The following ATM variants were observed in gnomAD, a reference collection of about 807,000 sequenced individuals.
ATM encodes serine-protein kinase ATM.
ATM carries 308 observed loss-of-function variants against 387.0 expected under a neutral mutation model. The ratio of observed to expected loss-of-function variants is 0.80; its 90% CI spans 0.73 to 0.87. ATM has a LOEUF of 0.87. Among genes scored for constraint, ATM ranks in the 40% least tolerant of loss-of-function variants. The pLI is 0.00. For missense variants in ATM, 3,312 were observed against 3,560.9 expected, an observed-to-expected ratio of 0.93 and a Z score of 1.78; for synonymous variants, 1,156 against 1,187.3, an observed-to-expected ratio of 0.97 and a Z score of 0.54.
chr11:108,294,781 A>C, intron 31 of ATM, 146 bp from the exon 32 acceptor site: 1 of 838,842 alleles, frequency 1.2e-6, no homozygotes, highest in East Asian at 2.7e-5. Flanking sequence ...AGTGGAAGAA[A>C]TCATTTATTT....
chr11:108,355,525 G>C (rs2089798383), intron 61 of ATM: 1 of 153,526 alleles, frequency 6.5e-6, no homozygotes, highest in South Asian at 2.0e-4. Context: ...AATCTGGTAA[G>C]GGTATGTGAG....
rs1415905535 is a variant in ATM at position 108,365,756 on chromosome 11, G to A, written c.*248G>A. ...GGGCTGGGCGCAGCGGCTCACGCCT[G>A]TAATCCCAGCACTTTGGGAGGCCGA... On this transcript the variant is annotated 3_prime_UTR_variant, in exon 63 of 63. Transcript: ENST00000675843. The A allele has an allele frequency of 1.9e-6, 1 of 515,364 alleles. No homozygotes were observed. The highest frequency in any genetic ancestry group is 3.4e-6 in the Non-Finnish European group (1 of 293,690). The allele number at this position is 515,364 out of a possible 1,614,324, so 31.9% of individuals were successfully genotyped here.
intron 15 of ATM, among the ~76,000 whole-genome samples, chr11:108,258,316 A>T (rs895997288): frequency 6.6e-6 from 1 of 152,180 alleles, no homozygotes; most frequent in Non-Finnish European, 1.5e-5. Context: ...AATTTCAGGA[A>T]TTTTTCTGAG....
intron 26 of ATM, among the ~76,000 whole-genome samples, chr11:108,285,555 A>G (rs2082448008): frequency 6.6e-6 from 1 of 152,190 alleles, no homozygotes; most frequent in Admixed American, 6.5e-5. Flanking sequence ...TATTTTGGAT[A>G]TAAGTAAGGG....
At chr11:108,250,191 C>T (rs1185800027) in intron 9 of ATM, among the ~76,000 whole-genome samples, 2 of 151,660 alleles carry the variant, frequency 1.3e-5, no homozygotes, top group African/African-American at 4.8e-5. Flanking sequence ...CTCACTCTGT[C>T]ACCCAGGCTG....
rs1555106553 is a variant in ATM at position 108,303,006 on chromosome 11, C to A, written c.5473C>A (p.Gln1825Lys). ...DSGGTKCEIL[Q>K]LLKPMCEVKT... ...TGGAGGCACAAAATGTGAAATTCTT[C>A]AATTATTAAAGCCAATGTGTGAAGT... The change falls in exon 36 of 63, where the codon CAA (glutamine) becomes AAA (lysine). Residue 1825 changes from glutamine to lysine, a missense_variant. By Grantham distance (53) the Gln-to-Lys change is moderately conservative. Transcript: ENST00000675843. The A allele has an allele frequency of 1.9e-6, 3 of 1,612,946 alleles. No homozygotes were observed. The South Asian group carries it at 3.3e-5, about 18-fold the overall frequency.
chr11:108,353,378 G>T (rs968956680), intron 59 of ATM, among the ~76,000 whole-genome samples: 6 of 152,066 alleles, frequency 3.9e-5, no homozygotes, highest in Non-Finnish European at 8.8e-5. Context: ...CTTAACTCCT[G>T]ACCTCAGGTG....
intron 7 of ATM, among the ~76,000 whole-genome samples, chr11:108,246,702 G>A (rs1256337259): frequency 6.6e-6 from 1 of 152,214 alleles, no homozygotes; most frequent in African/African-American, 2.4e-5. Flanking sequence ...CCTCAGGTGG[G>A]AGAATAAATT....
chr11:108,327,255 G>C (rs1349386921), intron 47 of ATM: 1 of 261,376 alleles, frequency 3.8e-6, no homozygotes, highest in Non-Finnish European at 7.5e-6. Flanking sequence ...TGGCCCTGAA[G>C]TATGTGCTGT....
chr11:108,277,102 G>A (rs1418276312), intron 22 of ATM, among the ~76,000 whole-genome samples: 10 of 152,046 alleles, frequency 6.6e-5, no homozygotes, highest in Non-Finnish European at 5.9e-5. Flanking sequence ...TGGCTACAGT[G>A]GCTTTGTGGC....
chr11:108,353,846 A>T lies in ATM; in HGVS notation c.8752A>T (p.Met2918Leu), dbSNP rs1555142873. 1.2e-6 allele frequency: 2 copies of T among 1,613,904 alleles called. No individual in the cohort carries two copies. The highest frequency in any genetic ancestry group is 8.5e-7 in the Non-Finnish European group (1 of 1,179,954). Residue 2918 changes from methionine (M) to leucine (L), a missense_variant, in exon 60 of 63, where the codon ATG becomes TTG. By Grantham distance (15) the Met-to-Leu change is conservative. Coordinates refer to ENST00000675843, the MANE Select transcript of ATM (RefSeq NM_000051.4). ...ACTCACCAGAGATATTGTGGATGGCATGGGCATTACGGGTGTTGAAGGTGT... is the reference window on the plus strand; with the variant it reads ...ACTCACCAGAGATATTGTGGATGGCTTGGGCATTACGGGTGTTGAAGGTGT... ...FRLTRDIVDG[M>L]GITGVEGVFR... is the part of the protein sequence containing the mutation.
intron 24 of ATM, among the ~76,000 whole-genome samples, chr11:108,282,087 G>A (rs1174720181): frequency 6.6e-6 from 1 of 151,730 alleles, no homozygotes; most frequent in African/African-American, 2.4e-5. Context: ...CAAGCCTCCT[G>A]AGTAGCTGGG....
intron 9 of ATM, 83 bp downstream of exon 9, chr11:108,249,185 C>T (rs1353772063): frequency 9.5e-6 from 14 of 1,478,122 alleles, no homozygotes; most frequent in Non-Finnish European, 1.3e-5. Context: ...GGAATCCTTT[C>T]ATCTCAACCA....
chr11:108,341,403 A>T lies in ATM; in HGVS notation c.8269-1819A>T, dbSNP rs1591235751. 2.6e-5 allele frequency among the ~76,000 whole-genome samples: 4 copies of T among 152,160 alleles called. No individual in the cohort carries two copies. In the South Asian group the frequency reaches 6.2e-4, roughly 24 times the overall value. On this transcript the variant is annotated intron_variant, in intron 56 of 62. Coordinates refer to ENST00000675843, the MANE Select transcript of ATM (RefSeq NM_000051.4). ...TTATACTTATTATCTAATATTATGA[A>T]ATGTTTATTAGGATATATGTTCCTC...
chr11:108,269,694 G>T (rs1016606572), intron 18 of ATM, among the ~76,000 whole-genome samples: 1 of 152,186 alleles, frequency 6.6e-6, no homozygotes, highest in Non-Finnish European at 1.5e-5. Context: ...CATGTCCCCA[G>T]TTCCAGCAAA....
At chr11:108,324,815 A>G (rs930326850) in intron 45 of ATM, among the ~76,000 whole-genome samples, 2 of 152,194 alleles carry the variant, frequency 1.3e-5, no homozygotes, top group Admixed American at 6.5e-5. Context: ...ATGTTGGTAA[A>G]TGAAACCTTT....
chr11:108,295,331 GA>G, intron 32 of ATM: 1 of 364,998 alleles, frequency 2.7e-6, no homozygotes, highest in Non-Finnish European at 5.1e-6. Context: ...TTAAGAGACA[GA>G]GTTTTTTTTT....
At chr11:108,350,835 A>G (rs2137193754) in intron 59 of ATM, among the ~76,000 whole-genome samples, 1 of 152,222 alleles carries the variant, frequency 6.6e-6, no homozygotes. Context: ...GCATCTATAA[A>G]TGAGAAGGGT....
intron 8 of ATM, among the ~76,000 whole-genome samples, chr11:108,248,480 T>C (rs1565378005): frequency 6.6e-6 from 1 of 152,196 alleles, no homozygotes; most frequent in Admixed American, 6.6e-5. Flanking sequence ...TACTATGTTA[T>C]CAGATTTATA....
Sources: gnomAD v4.1 joint callset for allele counts (sites outside exome capture counted in the v4.1 genomes callset) on GRCh38, gnomAD v4.1.1 for gene constraint, MANE v1.5 for transcripts, NCBI Gene and HGNC (gene_info 2026-07-23, HGNC 2026-07-21) for gene names.